PRUNE2: variants seen among roughly 807,000 people sequenced by gnomAD.
The protein encoded by PRUNE2 is prune homolog 2 with BCH domain, also known as protein prune homolog 2.
Under a neutral mutation model 252.0 loss-of-function variants are expected in PRUNE2, and 164 were observed. The ratio of observed to expected loss-of-function variants is 0.65; its 90% CI spans 0.57 to 0.74. PRUNE2 has a LOEUF of 0.74. PRUNE2 is among the 30% of genes least tolerant of loss of function. The pLI is 0.00. For missense variants in PRUNE2, 3,495 were observed against 3,711.0 expected (o/e 0.94, Z 1.51); for synonymous variants, 1,292 against 1,350.2 (o/e 0.96, Z 0.94).
intron 1 of PRUNE2, among the ~76,000 whole-genome samples, chr9:76,861,145 G>A (rs997676380): frequency 2.0e-5 from 3 of 152,226 alleles, no homozygotes; most frequent in Non-Finnish European, 4.4e-5. Flanking sequence ...AGGGGCCACA[G>A]GGAGGCCTGG....
At chr9:76,831,136 A>G (rs2058651415) in intron 4 of PRUNE2, among the ~76,000 whole-genome samples, 2 of 151,954 alleles carry the variant, frequency 1.3e-5, no homozygotes, top group Non-Finnish European at 2.9e-5. Flanking sequence ...TCACCATGTT[A>G]GCCAGCATGG....
At chr9:76,782,593 T>C (rs1271522069) in intron 6 of PRUNE2, 2 of 152,210 alleles carry the variant, frequency 1.3e-5, no homozygotes, top group Non-Finnish European at 2.9e-5. Flanking sequence ...TCCATGTAAA[T>C]ACTTTGCTAA....
intron 6 of PRUNE2, among the ~76,000 whole-genome samples, chr9:76,800,491 C>T (rs1004066129): frequency 6.6e-6 from 1 of 152,098 alleles, no homozygotes; most frequent in Non-Finnish European, 1.5e-5. Flanking sequence ...TATTTATGTG[C>T]AATAAAATAA....
intron 6 of PRUNE2, among the ~76,000 whole-genome samples, chr9:76,715,890 A>G (rs1364357140): frequency 2.0e-5 from 3 of 152,208 alleles, no homozygotes; most frequent in Non-Finnish European, 4.4e-5. Flanking sequence ...GCCCTGAAAA[A>G]AATAAAAAGA....
At chr9:76,754,284 A>C (rs1015543730) in intron 6 of PRUNE2, among the ~76,000 whole-genome samples, 36 of 152,080 alleles carry the variant, frequency 2.4e-4, no homozygotes, top group African/African-American at 8.7e-4. Flanking sequence ...TGGGGTGGGG[A>C]AGCAGAATAA....
chr9:76,774,328 G>T (rs1055896080), intron 6 of PRUNE2, among the ~76,000 whole-genome samples: 1 of 151,782 alleles, frequency 6.6e-6, no homozygotes, highest in Non-Finnish European at 1.5e-5. Context: ...TGTAAAGATG[G>T]GGTTTCACCA....
intron 1 of PRUNE2, among the ~76,000 whole-genome samples, chr9:76,864,686 TA>T (rs1236050459): frequency 6.6e-6 from 1 of 152,180 alleles, no homozygotes; most frequent in Non-Finnish European, 1.5e-5. Flanking sequence ...TATTGATTTT[TA>T]AAAAGACAAA....
intron 6 of PRUNE2, among the ~76,000 whole-genome samples, chr9:76,807,858 T>C (rs980160464): frequency 5.3e-5 from 8 of 152,198 alleles, no homozygotes; most frequent in African/African-American, 1.9e-4. Context: ...CACATACTGA[T>C]GTCTGTCTGT....
intron 4 of PRUNE2, among the ~76,000 whole-genome samples, chr9:76,845,234 T>G (rs557808918): frequency 2.0e-4 from 31 of 152,332 alleles, no homozygotes; most frequent in African/African-American, 7.2e-4. Context: ...TGTAGAAAAT[T>G]ATGATAATGA....
At position 76,835,067 on chromosome 9, in the gene PRUNE2, C is replaced by A. The variant is rs572879858; in HGVS notation, c.509-8335G>T. 4.9e-4 allele frequency among the ~76,000 whole-genome samples: 75 copies of A among 152,172 alleles called. No homozygotes were observed. The South Asian group carries it at 9.4e-3, about 19-fold the overall frequency. Reference sequence around the variant, plus strand: ...GATTAACAGCAAGCAACAAAGAAAGCAATTATGAGGAAATAGTAACAAACA... The same window carrying A: ...GATTAACAGCAAGCAACAAAGAAAGAAATTATGAGGAAATAGTAACAAACA... On this transcript the variant is annotated intron_variant, in intron 4 of 18. Coordinates refer to ENST00000376718, the MANE Select transcript of PRUNE2 (RefSeq NM_015225.3).
intron 4 of PRUNE2, among the ~76,000 whole-genome samples, chr9:76,837,472 A>AATAATAATAATAATC (rs1190105842): frequency 3.4e-5 from 2 of 58,130 alleles, no homozygotes; most frequent in Non-Finnish European, 6.7e-5. Context: ...TAATAATAAT[A>AATAATAATAATAATC]ATAATGCTAT....
intron 2 of PRUNE2, among the ~76,000 whole-genome samples, chr9:76,851,371 C>T (rs1453849394): frequency 1.3e-5 from 2 of 152,106 alleles, no homozygotes; most frequent in African/African-American, 2.4e-5. Flanking sequence ...CACGGTGAAA[C>T]CCCATCTCTA....
chr9:76,807,695 G>C (rs530687976), intron 6 of PRUNE2, among the ~76,000 whole-genome samples: 1 of 152,292 alleles, frequency 6.6e-6, no homozygotes, highest in Admixed American at 6.5e-5. Flanking sequence ...CATTTTCACA[G>C]ACTGAGAAAA....
At chr9:76,622,304 T>C (rs959359998) in intron 17 of PRUNE2, among the ~76,000 whole-genome samples, 6 of 151,628 alleles carry the variant, frequency 4.0e-5, no homozygotes, top group African/African-American at 1.5e-4. Context: ...GAGAACAAAA[T>C]AGTGGATGTG....
At position 76,652,569 on chromosome 9, in the gene PRUNE2, T is replaced by A; in HGVS notation, c.8471A>T (p.Asn2824Ile). 6.2e-7 allele frequency: 1 copy of A among 1,613,270 alleles called. No homozygotes were observed. Among genetic ancestry groups the A allele is most frequent in the South Asian group, 1.1e-5 (1 of 91,052 alleles). ...GTCAATTTCATCTGGACTGTCCAAG[T>A]TATCATCAGAGAGAATAGATCCTTC... ...QSEGSILSDD[N>I]LDSPDEIDIN... is the part of the protein sequence containing the mutation. The change falls in exon 11 of 19, where the codon AAC becomes ATC. Residue 2824 changes from asparagine (N) to isoleucine (I), a missense_variant. Transcript: ENST00000376718.
chr9:76,675,158 T>C (rs11145006), intron 9 of PRUNE2, among the ~76,000 whole-genome samples: 2 of 86,980 alleles, frequency 2.3e-5, no homozygotes, highest in African/African-American at 3.3e-5. Flanking sequence ...TTTTCGCAAC[T>C]TACTCATCTG....
chr9:76,796,413 G>C (rs944763671), intron 6 of PRUNE2, among the ~76,000 whole-genome samples: 6 of 152,116 alleles, frequency 3.9e-5, no homozygotes, highest in African/African-American at 1.2e-4. Flanking sequence ...AAAGAAACAT[G>C]CGTGGTGAGA....
At chr9:76,831,623 A>G (rs1173742050) in intron 4 of PRUNE2, among the ~76,000 whole-genome samples, 1 of 152,166 alleles carries the variant, frequency 6.6e-6, no homozygotes, top group African/African-American at 2.4e-5. Context: ...ATGATATTTT[A>G]ACTGTATGTT....
chr9:76,617,656 G>C (rs115894643), intron 18 of PRUNE2, among the ~76,000 whole-genome samples: 133 of 152,280 alleles, frequency 8.7e-4, no homozygotes, highest in African/African-American at 3.1e-3. Context: ...TCTAAAAAGT[G>C]GGAAGTAACA....
Sources: gnomAD v4.1 joint callset for allele counts (sites outside exome capture counted in the v4.1 genomes callset) on GRCh38, gnomAD v4.1.1 for gene constraint, MANE v1.5 for transcripts, NCBI Gene and HGNC (gene_info 2026-07-23, HGNC 2026-07-21) for gene names.